PITPNB: variants seen among roughly 807,000 people sequenced by gnomAD.
PITPNB encodes the protein phosphatidylinositol transfer protein beta isoform.
PITPNB carries 16 observed loss-of-function variants against 45.9 expected under a neutral mutation model. That is an observed-to-expected ratio of 0.35 (90% CI 0.24 to 0.53). The LOEUF (loss-of-function observed/expected upper bound fraction) is 0.53. Ranked by LOEUF, PITPNB falls within the 20% of genes least tolerant of loss-of-function variation. The pLI, the probability that PITPNB is intolerant of heterozygous loss-of-function variation, is 0.93. For missense variants in PITPNB, 188 were observed against 330.5 expected (o/e 0.57, Z 3.34); for synonymous variants, 112 against 108.9 (o/e 1.03, Z -0.18).
chr22:27,872,729 C>CA (rs1335769534), intron 8 of PITPNB, among the ~76,000 whole-genome samples: 8 of 152,146 alleles, frequency 5.3e-5, no homozygotes, highest in African/African-American at 1.9e-4. Flanking sequence ...TCAGCACAGA[C>CA]AGACTGGTTA....
intron 7 of PITPNB, among the ~76,000 whole-genome samples, chr22:27,876,381 G>C (rs1199683629): frequency 1.3e-5 from 2 of 152,090 alleles, no homozygotes; most frequent in African/African-American, 4.8e-5. Flanking sequence ...TTCTCCTCTT[G>C]AATACAAAGC....
intron 7 of PITPNB, among the ~76,000 whole-genome samples, chr22:27,892,328 C>T (rs923998522): frequency 6.6e-6 from 1 of 152,176 alleles, no homozygotes; most frequent in Non-Finnish European, 1.5e-5. Context: ...TGCCCATTTT[C>T]GCCTGAGGAC....
intron 8 of PITPNB, among the ~76,000 whole-genome samples, chr22:27,872,979 A>C (rs531089259): frequency 2.6e-5 from 4 of 151,816 alleles, no homozygotes; most frequent in African/African-American, 9.7e-5. Flanking sequence ...ATTTAAAAAC[A>C]ACTACTGGCT....
intron 3 of PITPNB, among the ~76,000 whole-genome samples, chr22:27,902,736 A>G (rs1479947173): frequency 6.6e-6 from 1 of 152,148 alleles, no homozygotes; most frequent in East Asian, 1.9e-4. Flanking sequence ...TTGGTTTTTT[A>G]AGAGACAGGG....
intron 2 of PITPNB, among the ~76,000 whole-genome samples, chr22:27,911,883 C>T (rs906332328): frequency 6.6e-6 from 1 of 152,148 alleles, no homozygotes. Context: ...AATCAGAAAT[C>T]TCAGAGGCCT....
At chr22:27,906,977 CAG>C (rs1191012008) in intron 3 of PITPNB, among the ~76,000 whole-genome samples, 2 of 152,098 alleles carry the variant, frequency 1.3e-5, no homozygotes, top group African/African-American at 4.8e-5. Flanking sequence ...TCAGGGAATC[CAG>C]AGACTTGAGT....
intron 8 of PITPNB, among the ~76,000 whole-genome samples, chr22:27,864,904 C>T (rs1285616956): frequency 6.6e-6 from 1 of 151,298 alleles, no homozygotes; most frequent in Non-Finnish European, 1.5e-5. Flanking sequence ...TGCCATTGCA[C>T]TCCAGCCTGG....
intron 8 of PITPNB, among the ~76,000 whole-genome samples, chr22:27,868,225 G>T (rs1186632050): frequency 1.3e-5 from 2 of 152,110 alleles, no homozygotes; most frequent in Non-Finnish European, 2.9e-5. Flanking sequence ...TTTCTACTAG[G>T]GCGGCTAACA....
At position 27,887,584 on chromosome 22, in the gene PITPNB, G is replaced by A. The variant is rs528349046; in HGVS notation, c.456+6971C>T. Among the ~76,000 whole-genome samples, 26 of 151,438 alleles carry A rather than the reference G, an allele frequency of 1.7e-4. No individual in the cohort carries two copies. The South Asian group carries it at 4.8e-3, about 28-fold the overall frequency. On this transcript the variant is annotated intron_variant, in intron 7 of 11. Transcript: ENST00000335272. Reference sequence around the variant, plus strand: ...CCCCACCTCCCCAGGTCTAACAGGCGACCCAATCCATGGGGTGCAGCCCCA... The same window carrying A: ...CCCCACCTCCCCAGGTCTAACAGGCAACCCAATCCATGGGGTGCAGCCCCA...
intron 3 of PITPNB, among the ~76,000 whole-genome samples, chr22:27,908,264 T>A (rs1935820536): frequency 6.8e-6 from 1 of 146,742 alleles, no homozygotes; most frequent in African/African-American, 2.5e-5. Flanking sequence ...TTAAGTGGGA[T>A]TTTTTAAATC....
chr22:27,896,505 C>G (rs1162323347), intron 6 of PITPNB, 47 bp downstream of exon 6: 1 of 1,228,812 alleles, frequency 8.1e-7, no homozygotes, highest in Admixed American at 1.7e-5. Flanking sequence ...ATATAGAATT[C>G]TCGTTTCCAG....
At chr22:27,857,062 G>C (rs1934194555) in intron 10 of PITPNB, among the ~76,000 whole-genome samples, 1 of 152,096 alleles carries the variant, frequency 6.6e-6, no homozygotes, top group Non-Finnish European at 1.5e-5. Flanking sequence ...AGGAATGAGG[G>C]GGGTATCTTC....
At position 27,873,810 on chromosome 22, in the gene PITPNB, G is replaced by A. The variant is rs202070823; in HGVS notation, c.462C>T (p.Tyr154=). ...ADRSQVEPAD[Y]KADEDPALFQ... is the part of the protein sequence containing the mutation. Reference sequence around the variant, plus strand: ...ATAATGCTGGGTCTTCATCAGCTTTGTAGTCCTGCAAAGCAAAACAAAGTC... The same window carrying A: ...ATAATGCTGGGTCTTCATCAGCTTTATAGTCCTGCAAAGCAAAACAAAGTC... Residue 154 remains tyrosine, a synonymous_variant, in exon 8 of 12, where the codon TAC becomes TAT. Coordinates refer to ENST00000335272, the MANE Select transcript of PITPNB (RefSeq NM_012399.5). 3 of 1,610,284 alleles carry A rather than the reference G, an allele frequency of 1.9e-6. No homozygotes were observed. In the East Asian group the frequency reaches 6.7e-5, roughly 36 times the overall value.
At chr22:27,885,212 T>TAAAAAAAAAAAAAAAAAAAAAAAAA (rs71194746) in intron 7 of PITPNB, among the ~76,000 whole-genome samples, 6 of 30,234 alleles carry the variant, frequency 2.0e-4, no homozygotes, top group Admixed American at 4.4e-4. Flanking sequence ...AATTTATACC[T>TAAAAAAAAAAAAAAAAAAAAAAAAA]AAAAAAAAAA....
At chr22:27,862,763 T>A (rs1427069341) in intron 8 of PITPNB, among the ~76,000 whole-genome samples, 2 of 152,208 alleles carry the variant, frequency 1.3e-5, no homozygotes, top group African/African-American at 4.8e-5. Context: ...TCAGGGGACA[T>A]AAATGTAGCT....
intron 8 of PITPNB, 30 bp downstream of exon 8, chr22:27,873,708 C>A: frequency 2.2e-6 from 3 of 1,387,352 alleles, no homozygotes; most frequent in Non-Finnish European, 3.1e-6. Context: ...TGCCAAGACT[C>A]TGCCTGTCAG....
intron 7 of PITPNB, among the ~76,000 whole-genome samples, chr22:27,879,191 C>T (rs552898324): frequency 1.3e-5 from 2 of 152,144 alleles, no homozygotes; most frequent in East Asian, 3.8e-4. Flanking sequence ...TCCTTATCCC[C>T]AACACTGTCA....
At chr22:27,874,829 T>C (rs544997616) in intron 7 of PITPNB, among the ~76,000 whole-genome samples, 1 of 152,318 alleles carries the variant, frequency 6.6e-6, no homozygotes, top group East Asian at 1.9e-4. Flanking sequence ...CTGGGGTCCT[T>C]CACAGAATTC....
At chr22:27,889,119 G>C (rs2146390590) in intron 7 of PITPNB, among the ~76,000 whole-genome samples, 1 of 152,286 alleles carries the variant, frequency 6.6e-6, no homozygotes, top group East Asian at 1.9e-4. Context: ...CGCTGGGAGA[G>C]GGAACAGGAA....
Sources: gnomAD v4.1 joint callset for allele counts (sites outside exome capture counted in the v4.1 genomes callset) on GRCh38, gnomAD v4.1.1 for gene constraint, MANE v1.5 for transcripts, NCBI Gene and HGNC (gene_info 2026-07-23, HGNC 2026-07-21) for gene names.